LRMDA: variants seen among roughly 807,000 people sequenced by gnomAD.
LRMDA encodes leucine-rich melanocyte differentiation-associated protein.
In LRMDA, 18 loss-of-function variants were observed where a neutral mutation model predicts 29.8. That is an observed-to-expected ratio of 0.60 (90% CI 0.42 to 0.90). The LOEUF (loss-of-function observed/expected upper bound fraction) is 0.90. Among genes scored for constraint, LRMDA ranks in the 40% least tolerant of loss-of-function variants. The probability of loss-of-function intolerance (pLI) is 0.00; values close to 1 mark genes in which losing one functional copy is unlikely to be tolerated. For synonymous variants in LRMDA, 125 were observed against 109.4 expected (o/e 1.14, Z -0.89); for missense variants, 273 against 273.9 (o/e 1.00, Z 0.02).
At chr10:75,893,132 G>T (rs1845522154) in intron 2 of LRMDA, among the ~76,000 whole-genome samples, 1 of 152,184 alleles carries the variant, frequency 6.6e-6, no homozygotes, top group Admixed American at 6.5e-5. Flanking sequence ...GTGTTTGGTA[G>T]CATGCACATG....
Position 75,457,725 on chromosome 10 carries a change from C to T in LRMDA, c.131+19231C>T, listed in dbSNP as rs549146252. 2.0e-3 allele frequency among the ~76,000 whole-genome samples: 299 copies of T among 152,234 alleles called. 3 individuals carry two copies. Among genetic ancestry groups the T allele is most frequent in the Non-Finnish European group, 3.1e-3 (214 of 68,012 alleles). On this transcript the variant is annotated intron_variant, in intron 2 of 6. Coordinates refer to ENST00000611255, the MANE Select transcript of LRMDA (RefSeq NM_001305581.2). The stretch of plus-strand genomic sequence containing the variant: ...TATGTTTTAGTCCTCTTGCTGCTGC[C>T]GTTTATCTGGACGGCATTTTCCATC...
rs189789179 is a variant in LRMDA at position 75,580,785 on chromosome 10, C to T, written c.131+142291C>T. On this transcript the variant is annotated intron_variant, in intron 2 of 6. Coordinates refer to ENST00000611255, the MANE Select transcript of LRMDA (RefSeq NM_001305581.2). Reference sequence around the variant, plus strand: ...TGCAACACATCTACAACCATCTAGTCTTTGACAAACCTGACAAAATCAAGA... The same window carrying T: ...TGCAACACATCTACAACCATCTAGTTTTTGACAAACCTGACAAAATCAAGA... 2.4e-4 allele frequency among the ~76,000 whole-genome samples: 37 copies of T among 152,316 alleles called. No individual in the cohort carries two copies. In the East Asian group the frequency reaches 6.7e-3, roughly 28 times the overall value.
At chr10:76,329,065 A>C (rs1318337769) in intron 6 of LRMDA, among the ~76,000 whole-genome samples, 1 of 152,122 alleles carries the variant, frequency 6.6e-6, no homozygotes, top group Non-Finnish European at 1.5e-5. Flanking sequence ...TCTCACGTTC[A>C]CCTGGAGACT....
chr10:76,284,627 T>G (rs967322983), intron 5 of LRMDA, among the ~76,000 whole-genome samples: 4 of 150,602 alleles, frequency 2.7e-5, no homozygotes, highest in South Asian at 4.2e-4. Context: ...AAATCTTGGG[T>G]TTTTTTTGTA....
At chr10:76,079,992 T>A (rs1300473748) in intron 5 of LRMDA, among the ~76,000 whole-genome samples, 1 of 152,140 alleles carries the variant, frequency 6.6e-6, no homozygotes, top group Non-Finnish European at 1.5e-5. Flanking sequence ...CTGGCCTCAT[T>A]TCCCACTGTT....
chr10:75,580,438 A>G (rs1036219831), intron 2 of LRMDA, among the ~76,000 whole-genome samples: 1 of 152,256 alleles, frequency 6.6e-6, no homozygotes, highest in African/African-American at 2.4e-5. Flanking sequence ...AAATGGAAGA[A>G]CATTCCATGC....
intron 3 of LRMDA, 117 bp downstream of exon 3, chr10:76,036,251 T>C (rs552523085): frequency 1.9e-6 from 2 of 1,070,368 alleles, no homozygotes; most frequent in South Asian, 3.3e-5. Context: ...TCAGCTAAAT[T>C]AAAGTATGTG....
At chr10:75,902,360 T>C (rs951181516) in intron 2 of LRMDA, among the ~76,000 whole-genome samples, 1 of 152,122 alleles carries the variant, frequency 6.6e-6, no homozygotes, top group Non-Finnish European at 1.5e-5. Context: ...AATGCCCTTG[T>C]TCCCTGGACC....
intron 2 of LRMDA, among the ~76,000 whole-genome samples, chr10:75,547,431 G>A (rs1176331275): frequency 6.6e-6 from 1 of 152,210 alleles, no homozygotes; most frequent in African/African-American, 2.4e-5. Flanking sequence ...GGCTCTGACA[G>A]GAGTATCTTT....
intron 5 of LRMDA, among the ~76,000 whole-genome samples, chr10:76,170,489 A>G (rs576091823): frequency 5.9e-5 from 9 of 152,308 alleles, no homozygotes; most frequent in Non-Finnish European, 1.0e-4. Context: ...TGCTTCAACC[A>G]CTAACTAGCT....
chr10:75,940,805 GA>G (rs1240270815), intron 2 of LRMDA, among the ~76,000 whole-genome samples: 3 of 152,088 alleles, frequency 2.0e-5, no homozygotes, highest in South Asian at 4.2e-4. Flanking sequence ...TGTGTGTGTT[GA>G]GGGGGTGTTT....
At chr10:75,568,969 C>T (rs1328688690) in intron 2 of LRMDA, among the ~76,000 whole-genome samples, 1 of 152,174 alleles carries the variant, frequency 6.6e-6, no homozygotes, top group Non-Finnish European at 1.5e-5. Flanking sequence ...GAGGCAACCC[C>T]TTCATAAATA....
chr10:76,203,563 A>C (rs899012964), intron 5 of LRMDA, among the ~76,000 whole-genome samples: 4 of 152,272 alleles, frequency 2.6e-5, no homozygotes, highest in African/African-American at 4.8e-5. Flanking sequence ...TGAAATACTT[A>C]CTGGGTTTAT....
chr10:75,772,294 A>G (rs1485161525), intron 2 of LRMDA, among the ~76,000 whole-genome samples: 1 of 152,160 alleles, frequency 6.6e-6, no homozygotes, highest in Non-Finnish European at 1.5e-5. Flanking sequence ...ATCCTTCAGT[A>G]TTTAAGTCAG....
At chr10:75,577,085 TC>T (rs1439486349) in intron 2 of LRMDA, among the ~76,000 whole-genome samples, 1 of 151,838 alleles carries the variant, frequency 6.6e-6, no homozygotes, top group Non-Finnish European at 1.5e-5. Flanking sequence ...AATAATAAAC[TC>T]CTCCCAGCTA....
At chr10:75,644,109 C>A (rs1841486580) in intron 2 of LRMDA, among the ~76,000 whole-genome samples, 1 of 152,126 alleles carries the variant, frequency 6.6e-6, no homozygotes, top group South Asian at 2.1e-4. Flanking sequence ...TGAAATAGGA[C>A]CCAGGAACAC....
At chr10:75,463,081 C>A (rs145610394) in intron 2 of LRMDA, among the ~76,000 whole-genome samples, 1 of 152,240 alleles carries the variant, frequency 6.6e-6, no homozygotes, top group African/African-American at 2.4e-5. Context: ...GAGGAGGCAG[C>A]GGATCTGAGG....
chr10:75,974,777 C>T (rs975164085), intron 2 of LRMDA, among the ~76,000 whole-genome samples: 2 of 152,186 alleles, frequency 1.3e-5, no homozygotes, highest in African/African-American at 4.8e-5. Context: ...CCTAAAATTT[C>T]ATACCTACAA....
chr10:75,708,700 A>G (rs545379744), intron 2 of LRMDA, among the ~76,000 whole-genome samples: 1 of 152,302 alleles, frequency 6.6e-6, no homozygotes, highest in South Asian at 2.1e-4. Flanking sequence ...TTAGATGATC[A>G]GTCACCCAGG....
Sources: allele counts gnomAD v4.1 joint callset (sites outside exome capture counted in the v4.1 genomes callset), GRCh38; gene constraint gnomAD v4.1.1; transcripts MANE v1.5; gene names NCBI Gene and HGNC (gene_info 2026-07-23, HGNC 2026-07-21).